The following ZNF462 variants were observed in gnomAD, a reference collection of about 807,000 sequenced individuals.
The protein encoded by ZNF462 is zinc finger protein 462.
A neutral mutation model predicts 201.9 loss-of-function variants in ZNF462; 10 were observed. That is an observed-to-expected ratio of 0.05 (90% CI 0.03 to 0.08). The LOEUF (loss-of-function observed/expected upper bound fraction) is 0.08. ZNF462 is among the 10% of genes least tolerant of loss of function. The pLI is 1.00. For synonymous variants in ZNF462, 1,227 were observed against 1,193.3 expected (o/e 1.03, Z -0.58); for missense variants, 2,523 against 3,168.3 (o/e 0.80, Z 4.89).
chr9:106,980,432 A>C (rs558368532), intron 9 of ZNF462, among the ~76,000 whole-genome samples: 10 of 152,264 alleles, frequency 6.6e-5, no homozygotes, highest in Non-Finnish European at 1.5e-4. Flanking sequence ...TCTGGGAAGG[A>C]AACCCACCTA....
intron 1 of ZNF462, among the ~76,000 whole-genome samples, chr9:106,873,527 A>G (rs1827690797): frequency 6.6e-6 from 1 of 152,174 alleles, no homozygotes; most frequent in African/African-American, 2.4e-5. Flanking sequence ...AATGTTCTCA[A>G]AAGCTACGCA....
chr9:106,931,785 AG>A (rs1830438031), intron 4 of ZNF462, among the ~76,000 whole-genome samples: 1 of 152,192 alleles, frequency 6.6e-6, no homozygotes, highest in South Asian at 2.1e-4. Flanking sequence ...CACCATCTAC[AG>A]GGTAGGGGGC....
intron 1 of ZNF462, among the ~76,000 whole-genome samples, chr9:106,892,694 A>AAACACACACG (rs1828635625): frequency 1.4e-5 from 2 of 146,474 alleles, no homozygotes; most frequent in Admixed American, 6.7e-5. Flanking sequence ...ACACACATGC[A>AAACACACACG]CACACACACG....
At chr9:106,985,967 G>C (rs1399091317) in intron 10 of ZNF462, among the ~76,000 whole-genome samples, 6 of 151,998 alleles carry the variant, frequency 3.9e-5, no homozygotes. Flanking sequence ...AACTTCCTGG[G>C]CATTTCTTCC....
At chr9:106,889,296 T>C (rs568909177) in intron 1 of ZNF462, among the ~76,000 whole-genome samples, 9 of 152,342 alleles carry the variant, frequency 5.9e-5, no homozygotes, top group African/African-American at 2.2e-4. Flanking sequence ...TGTAAAACTT[T>C]CCTGTCTCTC....
At chr9:106,987,613 G>T (rs539503927) in intron 10 of ZNF462, among the ~76,000 whole-genome samples, 2 of 152,246 alleles carry the variant, frequency 1.3e-5, no homozygotes, top group South Asian at 2.1e-4. Flanking sequence ...TCTGTGGGTT[G>T]TCTGTTTACT....
rs759949832 is a variant in ZNF462 at position 106,927,083 on chromosome 9, G to A, written c.3171G>A (p.Lys1057=). ...ATCAGAAGAAACACCCCGAAGAAAA[G>A]GCTTCCTACTTTAGGATCCAGAAAA... The part of the protein sequence containing the change: ...VHYQKKHPEE[K]ASYFRIQKTM... The change falls in exon 3 of 13, where the codon AAG becomes AAA. Residue 1057 remains lysine (K), a synonymous_variant. Transcript: ENST00000277225. 1.2e-6 allele frequency: 2 copies of A among 1,613,956 alleles called. No individual in the cohort carries two copies. Among genetic ancestry groups the A allele is most frequent in the South Asian group, 2.2e-5 (2 of 91,046 alleles).
Position 107,010,881 on chromosome 9 carries a change from G to GAGA in ZNF462, c.7374_7376dup (p.Glu2458_Asn2459insLys). The GAGA allele has an allele frequency of 6.2e-7, 1 of 1,613,482 alleles. No homozygotes were observed. Among genetic ancestry groups the GAGA allele is most frequent in the Non-Finnish European group, 8.5e-7 (1 of 1,179,770 alleles). ...AGAAATCCACCCAAAAGAGATCATG[G>GAGA]AGAACAGTGTTAAAATGCCCTCCAT... On this transcript the variant is annotated inframe_insertion, in exon 13 of 13. Transcript: ENST00000277225. This position sits in a 1 kb window ranked among gnomAD's most constrained non-coding sequence, Gnocchi z 4.6.
intron 10 of ZNF462, among the ~76,000 whole-genome samples, chr9:106,990,962 C>T (rs577207543): frequency 1.1e-3 from 166 of 152,056 alleles, no homozygotes; most frequent in Non-Finnish European, 1.5e-3. Context: ...GAAAGATATA[C>T]AAACACCTGA....
chr9:106,948,493 A>G (rs1426960187), intron 7 of ZNF462, among the ~76,000 whole-genome samples: 1 of 152,206 alleles, frequency 6.6e-6, no homozygotes, highest in African/African-American at 2.4e-5. Context: ...GACAAAAGTA[A>G]TACCAACTCG....
chr9:106,915,467 G>T (rs1230744763), intron 1 of ZNF462, among the ~76,000 whole-genome samples: 1 of 152,158 alleles, frequency 6.6e-6, no homozygotes, highest in Non-Finnish European at 1.5e-5. Context: ...GGGATTGCAA[G>T]AGAAAAGAAA....
chr9:106,978,016 G>C lies in ZNF462; in HGVS notation c.6832+3743G>C, dbSNP rs2132144066. ...GTTCCTTGACGCTACTTGGCTTATA[G>C]CTGCATCACTCTCATGTTTGTCTCC... On this transcript the variant is annotated intron_variant, in intron 9 of 12. Coordinates refer to ENST00000277225, the MANE Select transcript of ZNF462 (RefSeq NM_021224.6). The surrounding 1 kb of genome is among the most constrained non-coding windows in gnomAD (Gnocchi z 4.1). Among the ~76,000 whole-genome samples the C allele has an allele frequency of 6.6e-6, 1 of 151,650 alleles. No individual in the cohort carries two copies. The highest frequency in any genetic ancestry group is 2.1e-4 in the South Asian group (1 of 4,816).
intron 4 of ZNF462, among the ~76,000 whole-genome samples, chr9:106,931,230 C>T (rs1236508701): frequency 6.6e-6 from 1 of 152,140 alleles, no homozygotes; most frequent in East Asian, 1.9e-4. Context: ...TTTGTCTCCT[C>T]CATCCCCTCT....
intron 1 of ZNF462, among the ~76,000 whole-genome samples, chr9:106,894,807 A>G (rs1828741845): frequency 6.6e-6 from 1 of 152,152 alleles, no homozygotes; most frequent in Non-Finnish European, 1.5e-5. Context: ...AAAAGGATGA[A>G]ATATCTCATT....
chr9:106,863,067 AGGAGAGAGAGG>A (rs1827125041), upstream of ZNF462: 3 of 382,564 alleles, frequency 7.8e-6, no homozygotes, highest in Non-Finnish European at 1.4e-5. Context: ...GAGAGAGAAG[AGGAGAGAGAGG>A]GGAGAGAGAG....
In ZNF462 at chr9:106,943,059, C is replaced by CGCGT. The variant is rs374167214; in HGVS notation, c.6427+3953_6427+3954insCGTG. ...GTAACATAGTTTTGTTTTGCGCGCG[C>CGCGT]GTGTGTGTGTGTGTGTGTGTGTGTG... On this transcript the variant is annotated intron_variant, in intron 7 of 12. Coordinates refer to ENST00000277225, the MANE Select transcript of ZNF462 (RefSeq NM_021224.6). Among the ~76,000 whole-genome samples the CGCGT allele has an allele frequency of 5.8e-3, 833 of 143,240 alleles. 4 individuals are homozygous for CGCGT. Among genetic ancestry groups the CGCGT allele is most frequent in the African/African-American group, 0.011 (408 of 37,946 alleles). 94.0% of individuals were successfully genotyped at this position (143,240 alleles called of 152,430 possible).
At chr9:106,867,083 TA>T (rs1026870700) in intron 1 of ZNF462, among the ~76,000 whole-genome samples, 16 of 152,228 alleles carry the variant, frequency 1.1e-4, no homozygotes, top group African/African-American at 3.6e-4. Flanking sequence ...AGGGAAAAAA[TA>T]GGTATTTAAG....
chr9:106,945,474 C>A (rs1831065211), intron 7 of ZNF462, among the ~76,000 whole-genome samples: 1 of 152,048 alleles, frequency 6.6e-6, no homozygotes, highest in Admixed American at 6.6e-5. Context: ...GTTCCAATTG[C>A]AATCAGATTA....
In ZNF462 at chr9:106,926,007, A is replaced by C; in HGVS notation, c.2095A>C (p.Ile699Leu). ...GAAGAAGAGAACCAGGATTGACGAG[A>C]TAGCAAGCAACCTTCAGAGCAAAAT... ...PVKKRTRIDE[I>L]ASNLQSKINQ... The change falls in exon 3 of 13, where the codon ATA becomes CTA. Residue 699 changes from isoleucine to leucine, a missense_variant. Ile to Leu is a conservative substitution (Grantham distance 5). This residue lies in a region of ZNF462 where 383 missense variants were observed against 453.4 expected (regional missense o/e 0.84). Transcript: ENST00000277225. This position sits in a 1 kb window ranked among gnomAD's most constrained non-coding sequence, Gnocchi z 7.9. 6.2e-7 allele frequency: 1 copy of C among 1,614,222 alleles called. No individual in the cohort carries two copies. The highest frequency in any genetic ancestry group is 8.5e-7 in the Non-Finnish European group (1 of 1,180,040).
Sources: gnomAD v4.1 joint callset for allele counts (sites outside exome capture counted in the v4.1 genomes callset) on GRCh38, gnomAD v4.1.1 for gene constraint, gnomAD v4.1.1 regional missense constraint, Gnocchi (gnomAD v3.1) non-coding constraint, MANE v1.5 for transcripts, NCBI Gene and HGNC (gene_info 2026-07-23, HGNC 2026-07-21) for gene names.